Variants in RBFOX1 observed in about 807,000 individuals in gnomAD.
RBFOX1 encodes the protein RNA binding fox-1 homolog 1, also known as RNA binding protein fox-1 homolog 1.
A neutral mutation model predicts 57.7 loss-of-function variants in RBFOX1; 8 were observed. That is an observed-to-expected ratio of 0.14 (90% CI 0.08 to 0.25). The LOEUF (loss-of-function observed/expected upper bound fraction) is 0.25, where lower values mean the gene tolerates loss of function less well. RBFOX1 is among the 10% of genes least tolerant of loss of function. RBFOX1 has a pLI of 1.00. For missense variants in RBFOX1, 611 were observed against 548.5 expected, an observed-to-expected ratio of 1.11 and a Z score of -1.14; for synonymous variants, 326 against 222.4, an observed-to-expected ratio of 1.47 and a Z score of -4.15.
chr16:6,965,437 A>G lies in RBFOX1; in HGVS notation c.-15-86620A>G, dbSNP rs55637660. Reference sequence around the variant, plus strand: ...AGCTTACTGCAGCCTCCCGGGTTCAATTGATTCTTCTGCCTAAACCTCCCC... The same window carrying G: ...AGCTTACTGCAGCCTCCCGGGTTCAGTTGATTCTTCTGCCTAAACCTCCCC... On this transcript the variant is annotated intron_variant, in intron 3 of 15. Coordinates refer to ENST00000550418, the MANE Select transcript of RBFOX1 (RefSeq NM_018723.4). Among the ~76,000 whole-genome samples, 374 of 151,764 alleles carry G rather than the reference A, an allele frequency of 2.5e-3. 2 individuals carry two copies. Among genetic ancestry groups the G allele is most frequent in the African/African-American group, 8.6e-3 (355 of 41,372 alleles).
At chr16:6,850,750 A>G (rs1157519650) in intron 3 of RBFOX1, among the ~76,000 whole-genome samples, 1 of 152,234 alleles carries the variant, frequency 6.6e-6, no homozygotes, top group Non-Finnish European at 1.5e-5. Context: ...AAATGCTGTC[A>G]AAGATCACTC....
chr16:6,829,772 T>G (rs1440469500), intron 3 of RBFOX1, among the ~76,000 whole-genome samples: 1 of 151,938 alleles, frequency 6.6e-6, no homozygotes, highest in Non-Finnish European at 1.5e-5. Flanking sequence ...CAGCTAATTT[T>G]TGCATTTGTA....
At chr16:6,679,878 G>GGTTTTTTTTTTTT (rs1487919870) in intron 3 of RBFOX1, among the ~76,000 whole-genome samples, 2 of 114,304 alleles carry the variant, frequency 1.7e-5, no homozygotes, top group African/African-American at 7.8e-5. Context: ...GTTTCTACTT[G>GGTTTTTTTTTTTT]TTTTTTTTTT....
chr16:5,435,934 C>T (rs939698240), intron 1 of RBFOX1, among the ~76,000 whole-genome samples: 6 of 152,248 alleles, frequency 3.9e-5, no homozygotes, highest in South Asian at 2.1e-4. Flanking sequence ...TCTAGGTACA[C>T]ACCTTTGATT....
chr16:7,404,377 C>G (rs529756133), intron 4 of RBFOX1, among the ~76,000 whole-genome samples: 14 of 152,232 alleles, frequency 9.2e-5, no homozygotes, highest in East Asian at 1.9e-4. Context: ...TTTAGTGTCA[C>G]CTTGTAGGTC....
chr16:6,262,208 C>T (rs1197854797), intron 1 of RBFOX1, among the ~76,000 whole-genome samples: 1 of 152,138 alleles, frequency 6.6e-6, no homozygotes, highest in East Asian at 1.9e-4. Flanking sequence ...TTTCGGCCAT[C>T]ATACCCTCAT....
intron 3 of RBFOX1, among the ~76,000 whole-genome samples, chr16:7,009,088 T>C (rs1216508933): frequency 2.8e-4 from 1 of 3,560 alleles, no homozygotes; most frequent in Non-Finnish European, 6.6e-4. Flanking sequence ...CTCCCTCCCT[T>C]CCTCCCTCCC....
At chr16:7,404,121 C>T (rs1034275447) in intron 4 of RBFOX1, among the ~76,000 whole-genome samples, 1 of 150,888 alleles carries the variant, frequency 6.6e-6, no homozygotes, top group Admixed American at 6.6e-5. Context: ...GACTCATTCT[C>T]GGCTCACTGC....
chr16:6,314,186 T>G (rs2080774247), intron 1 of RBFOX1, among the ~76,000 whole-genome samples: 3 of 152,172 alleles, frequency 2.0e-5, no homozygotes, highest in Admixed American at 1.3e-4. Context: ...ATGTCCTTTC[T>G]TGGTGCTGTA....
chr16:6,143,540 C>T (rs1392569603), intron 1 of RBFOX1, among the ~76,000 whole-genome samples: 2 of 152,088 alleles, frequency 1.3e-5, no homozygotes, highest in Non-Finnish European at 1.5e-5. Context: ...TGAGAAGTGG[C>T]CTCTTTATTT....
intron 1 of RBFOX1, among the ~76,000 whole-genome samples, chr16:6,254,260 A>G (rs1045931095): frequency 1.3e-5 from 2 of 152,198 alleles, no homozygotes; most frequent in Admixed American, 1.3e-4. Flanking sequence ...AACTAAACAG[A>G]TGTATTCAGG....
At chr16:6,472,325 A>T (rs17140335) in intron 2 of RBFOX1, among the ~76,000 whole-genome samples, 4,910 of 152,230 alleles carry the variant, frequency 0.032, 274 homozygotes, top group African/African-American at 0.11. Flanking sequence ...CGTGGTGGAG[A>T]TGCTGGCTGC....
chr16:6,337,014 A>G (rs1238522886), intron 2 of RBFOX1, among the ~76,000 whole-genome samples: 1 of 152,222 alleles, frequency 6.6e-6, no homozygotes, highest in African/African-American at 2.4e-5. Context: ...AAGGAACTCA[A>G]AATGGCATTG....
chr16:7,522,054 G>T (rs945891740), intron 5 of RBFOX1, among the ~76,000 whole-genome samples: 1 of 152,214 alleles, frequency 6.6e-6, no homozygotes, highest in Non-Finnish European at 1.5e-5. Flanking sequence ...TCTTCATTCA[G>T]TGGCTGAGGC....
At chr16:5,907,275 C>G (rs1431307516) in intron 4 of RBFOX1, among the ~76,000 whole-genome samples, 2 of 151,738 alleles carry the variant, frequency 1.3e-5, no homozygotes, top group Non-Finnish European at 2.9e-5. Flanking sequence ...AGTTCTCATC[C>G]TGCCTCATCC....
chr16:6,887,459 A>T (rs1293843485), intron 3 of RBFOX1, among the ~76,000 whole-genome samples: 27 of 152,056 alleles, frequency 1.8e-4, no homozygotes, highest in Non-Finnish European at 1.5e-5. Flanking sequence ...CATTTTCTAA[A>T]CTTCGCATCA....
intron 2 of RBFOX1, among the ~76,000 whole-genome samples, chr16:6,652,754 G>T (rs2098606886): frequency 6.6e-6 from 1 of 152,202 alleles, no homozygotes; most frequent in South Asian, 2.1e-4. Flanking sequence ...GTTTTCAGGG[G>T]CTCTGGGAGG....
chr16:6,930,519 C>G (rs1252361845), intron 3 of RBFOX1, among the ~76,000 whole-genome samples: 1 of 152,104 alleles, frequency 6.6e-6, no homozygotes, highest in Non-Finnish European at 1.5e-5. Context: ...AGGTGATTCT[C>G]CTGCCTCAGC....
intron 4 of RBFOX1, among the ~76,000 whole-genome samples, chr16:7,100,223 T>C (rs2062439264): frequency 6.6e-6 from 1 of 152,110 alleles, no homozygotes; most frequent in Non-Finnish European, 1.5e-5. Flanking sequence ...GACTATTCAG[T>C]GCTGATATCA....
Sources: gnomAD v4.1 joint callset for allele counts (sites outside exome capture counted in the v4.1 genomes callset) on GRCh38, gnomAD v4.1.1 for gene constraint, MANE v1.5 for transcripts, NCBI Gene and HGNC (gene_info 2026-07-23, HGNC 2026-07-21) for gene names.